The following TBC1D2 variants were observed in gnomAD, a reference collection of about 807,000 sequenced individuals.
The protein encoded by TBC1D2 is TBC1 domain family member 2A.
In TBC1D2, 58 loss-of-function variants were observed where a neutral mutation model predicts 91.1. The ratio of observed to expected loss-of-function variants is 0.64; its 90% CI spans 0.52 to 0.79. TBC1D2 has a LOEUF of 0.79. Among genes scored for constraint, TBC1D2 ranks in the 30% least tolerant of loss-of-function variants. TBC1D2 has a pLI of 0.00. For synonymous variants in TBC1D2, 482 were observed against 511.5 expected (o/e 0.94, Z 0.78); for missense variants, 1,080 against 1,208.3 (o/e 0.89, Z 1.57).
rs1275251600 is a variant in TBC1D2, at chr9:98,228,766, A to T, written c.978+186T>A. Among the ~76,000 whole-genome samples, 1 of 152,160 alleles carries T rather than the reference A, an allele frequency of 6.6e-6. No homozygotes were observed. The highest frequency in any genetic ancestry group is 1.5e-5 in the Non-Finnish European group (1 of 68,034). On this transcript the variant is annotated intron_variant, in intron 5 of 12. Transcript: ENST00000465784. The surrounding 1 kb of genome is among the most constrained non-coding windows in gnomAD (Gnocchi z 4.0). ...TGCCCTTGGTGCCCTTTTGTGACTT[A>T]CTTTGAGTGACATCAGGTTCTTGAG...
At chr9:98,237,396 A>T (rs1002090328) in intron 3 of TBC1D2, among the ~76,000 whole-genome samples, 3 of 152,122 alleles carry the variant, frequency 2.0e-5, no homozygotes, top group African/African-American at 7.2e-5. Flanking sequence ...AAAAAAAGAA[A>T]GAAAATATCA....
intron 9 of TBC1D2, among the ~76,000 whole-genome samples, chr9:98,207,164 T>C (rs185564964): frequency 1.8e-4 from 27 of 152,298 alleles, no homozygotes; most frequent in South Asian, 4.1e-4. Context: ...GAATTGTACA[T>C]ACACATGCTC....
At chr9:98,224,275 CTTTTCT>C (rs1829176237) in intron 5 of TBC1D2, among the ~76,000 whole-genome samples, 1 of 125,712 alleles carries the variant, frequency 8.0e-6, no homozygotes, top group African/African-American at 3.0e-5. Context: ...GTTTTTTTTT[CTTTTCT>C]TTTTTTTTTT....
intron 4 of TBC1D2, among the ~76,000 whole-genome samples, chr9:98,233,175 C>A (rs1279475969): frequency 6.6e-6 from 1 of 152,194 alleles, no homozygotes; most frequent in Non-Finnish European, 1.5e-5. Flanking sequence ...AGGAAGGGAG[C>A]CCTCACCACA....
chr9:98,232,342 G>GTTTTTTTTTTTTTTTTTTTTTTTTTTT (rs753455224), intron 4 of TBC1D2, among the ~76,000 whole-genome samples: 5 of 86,772 alleles, frequency 5.8e-5, no homozygotes, highest in Non-Finnish European at 9.5e-5. Context: ...CTCTTTTTCT[G>GTTTTTTTTTTTTTTTTTTTTTTTTTTT]TTTTTTTTTT....
intron 6 of TBC1D2, among the ~76,000 whole-genome samples, chr9:98,219,365 ATTTC>A (rs1829040800): frequency 1.3e-5 from 2 of 152,076 alleles, no homozygotes; most frequent in South Asian, 4.2e-4. Flanking sequence ...AAGCTTCCTG[ATTTC>A]TTTTTTTTTC....
Position 98,199,642 on chromosome 9 carries a change from T to C in TBC1D2, c.2580-54A>G. ...CACGTCACCCCACCTGGCCGGCGTT[T>C]ACCCGGCTCTCCCAGACAGACATCC... On this transcript the variant is annotated intron_variant, in intron 12 of 12. Transcript: ENST00000465784. The C allele has an allele frequency of 2.5e-6, 4 of 1,590,162 alleles. No individual in the cohort carries two copies. In the East Asian group the frequency reaches 6.7e-5, roughly 27 times the overall value.
chr9:98,214,120 C>G (rs1828915487), intron 6 of TBC1D2, among the ~76,000 whole-genome samples: 1 of 152,244 alleles, frequency 6.6e-6, no homozygotes, highest in Non-Finnish European at 1.5e-5. Flanking sequence ...GAAACTCAGG[C>G]CCTTTCTCTC....
chr9:98,217,346 T>C (rs1828995769), intron 6 of TBC1D2, among the ~76,000 whole-genome samples: 1 of 152,254 alleles, frequency 6.6e-6, no homozygotes, highest in African/African-American at 2.4e-5. Context: ...GACTAGGCCC[T>C]GTGCTGTGTG....
chr9:98,203,303 C>T lies in TBC1D2; in HGVS notation c.2256G>A (p.Thr752=), dbSNP rs1374580979. Residue 752 remains threonine, a synonymous_variant, in exon 10 of 13, where the codon ACG becomes ACA. Coordinates refer to ENST00000465784, the MANE Select transcript of TBC1D2 (RefSeq NM_001267571.2). ...TIMPADYYCN[T]LTASQVDQRV... ...CCCCACTTACCTGGGATGCCGTCAG[C>T]GTGTTGCAGTAGTAATCAGCGGGCA... The T allele has an allele frequency of 1.4e-5, 22 of 1,614,106 alleles. No homozygotes were observed. The highest frequency in any genetic ancestry group is 6.6e-5 in the South Asian group (6 of 91,092).
chr9:98,249,038 C>T (rs1460294281), intron 2 of TBC1D2, among the ~76,000 whole-genome samples: 1 of 152,190 alleles, frequency 6.6e-6, no homozygotes, highest in Non-Finnish European at 1.5e-5. Flanking sequence ...GAGCGGGCCG[C>T]TGCTTCCTCA....
At chr9:98,254,855 T>C (rs189875436) in intron 1 of TBC1D2, among the ~76,000 whole-genome samples, 155 of 152,274 alleles carry the variant, frequency 1.0e-3, no homozygotes, top group African/African-American at 3.5e-3. Flanking sequence ...AAAGTAAAAG[T>C]TTTGATTCAG....
At chr9:98,220,724 G>A in intron 6 of TBC1D2, 109 bp downstream of exon 6, 1 of 1,357,424 alleles carries the variant, frequency 7.4e-7, no homozygotes, top group Non-Finnish European at 1.0e-6. Flanking sequence ...TAGGATGAAG[G>A]GGTATCCCCA....
At position 98,229,110 on chromosome 9, in the gene TBC1D2, G is replaced by C; in HGVS notation, c.820C>G (p.Pro274Ala). The change falls in exon 5 of 13, where the codon CCT becomes GCT. Residue 274 changes from proline to alanine, a missense_variant. By Grantham distance (27) the Pro-to-Ala change is conservative (BLOSUM62 -1). Coordinates refer to ENST00000465784, the MANE Select transcript of TBC1D2 (RefSeq NM_001267571.2). ...PEDSPKPAPK[P>A]SLTISFAQKA... ...TGAGCGAAACTGATGGTCAGAGAAG[G>C]CTTGGGTGCAGGCTTTGGAGAATCC... The C allele has an allele frequency of 6.2e-7, 1 of 1,614,252 alleles. No individual in the cohort carries two copies. The highest frequency in any genetic ancestry group is 8.5e-7 in the Non-Finnish European group (1 of 1,180,042).
intron 2 of TBC1D2, among the ~76,000 whole-genome samples, chr9:98,249,021 G>T (rs1252224772): frequency 6.6e-6 from 1 of 152,174 alleles, no homozygotes; most frequent in Admixed American, 6.5e-5. Flanking sequence ...GGTTTTCAAC[G>T]ACATGGGAGC....
chr9:98,241,817 G>C (rs1323723999), intron 3 of TBC1D2, among the ~76,000 whole-genome samples: 1 of 152,094 alleles, frequency 6.6e-6, no homozygotes, highest in Non-Finnish European at 1.5e-5. Context: ...ACCCTGGAGG[G>C]CTCAACCATG....
chr9:98,203,283 CT>C lies in TBC1D2; in HGVS notation c.2271+4del. 1 of 1,614,164 alleles carries C rather than the reference CT, an allele frequency of 6.2e-7. No homozygotes were observed. The highest frequency in any genetic ancestry group is 8.5e-7 in the Non-Finnish European group (1 of 1,179,976). On this transcript the variant is annotated splice_donor_region_variant and intron_variant, in intron 10 of 12. Coordinates refer to ENST00000465784, the MANE Select transcript of TBC1D2 (RefSeq NM_001267571.2). ...GCTGCAAAGTCCCCTCCTGGCCCCA[CT>C]TACCTGGGATGCCGTCAGCGTGTTG...
intron 2 of TBC1D2, 91 bp downstream of exon 2, chr9:98,251,694 G>C (rs1033635371): frequency 6.9e-7 from 1 of 1,446,924 alleles, no homozygotes; most frequent in Admixed American, 2.8e-5. Flanking sequence ...TTCCTTAGCA[G>C]AGGGCTCCTC....
chr9:98,243,189 T>C (rs1161333418), intron 3 of TBC1D2, among the ~76,000 whole-genome samples: 1 of 152,068 alleles, frequency 6.6e-6, no homozygotes, highest in Admixed American at 6.5e-5. Context: ...ATTGACACAA[T>C]AAATTGCACA....
Sources: gnomAD v4.1 joint callset for allele counts (sites outside exome capture counted in the v4.1 genomes callset) on GRCh38, gnomAD v4.1.1 for gene constraint, Gnocchi (gnomAD v3.1) non-coding constraint, MANE v1.5 for transcripts, NCBI Gene and HGNC (gene_info 2026-07-23, HGNC 2026-07-21) for gene names.